The following CRACR2A variants were observed in gnomAD, a reference collection of about 807,000 sequenced individuals.
CRACR2A encodes the protein EF-hand calcium-binding domain-containing protein 4B.
Under a neutral mutation model 90.5 loss-of-function variants are expected in CRACR2A, and 79 were observed. The ratio of observed to expected loss-of-function variants is 0.87; its 90% CI spans 0.73 to 1.05. CRACR2A has a LOEUF of 1.05. Ranked by LOEUF, CRACR2A falls within the 50% of genes least tolerant of loss-of-function variation. The pLI, the probability that CRACR2A is intolerant of heterozygous loss-of-function variation, is 0.00. For synonymous variants in CRACR2A, 338 were observed against 356.7 expected (o/e 0.95, Z 0.59); for missense variants, 823 against 897.2 (o/e 0.92, Z 1.06).
chr12:3,647,342 A>G (rs1944706758), intron 11 of CRACR2A, among the ~76,000 whole-genome samples: 1 of 152,188 alleles, frequency 6.6e-6, no homozygotes, highest in Non-Finnish European at 1.5e-5. Context: ...TGGCACAGAA[A>G]GGCCTCAGGC....
At chr12:3,662,480 G>C (rs752660921) in intron 7 of CRACR2A, among the ~76,000 whole-genome samples, 3 of 152,228 alleles carry the variant, frequency 2.0e-5, no homozygotes, top group Admixed American at 2.0e-4. Flanking sequence ...GAACAAATGA[G>C]AGTGGATGTG....
intron 3 of CRACR2A, among the ~76,000 whole-genome samples, chr12:3,697,943 A>G (rs1431076939): frequency 1.3e-5 from 2 of 152,076 alleles, no homozygotes; most frequent in Non-Finnish European, 2.9e-5. Context: ...GCATACGGAA[A>G]CCTGGCTTCT....
At chr12:3,675,896 T>C (rs1194006021) in intron 6 of CRACR2A, among the ~76,000 whole-genome samples, 1 of 152,180 alleles carries the variant, frequency 6.6e-6, no homozygotes, top group South Asian at 2.1e-4. Context: ...GGATATTCAA[T>C]AGTGCCATGC....
At chr12:3,707,268 T>C (rs539396470) in intron 3 of CRACR2A, among the ~76,000 whole-genome samples, 4 of 152,336 alleles carry the variant, frequency 2.6e-5, no homozygotes, top group African/African-American at 9.6e-5. Context: ...AATTTTCTTG[T>C]TCTAGTCTCA....
intron 12 of CRACR2A, among the ~76,000 whole-genome samples, chr12:3,643,732 T>C (rs1013662385): frequency 1.4e-4 from 19 of 134,254 alleles, no homozygotes; most frequent in Non-Finnish European, 2.3e-4. Context: ...TACACACACA[T>C]ATACACATAC....
intron 7 of CRACR2A, among the ~76,000 whole-genome samples, chr12:3,667,078 C>T (rs560407882): frequency 6.6e-6 from 1 of 152,296 alleles, no homozygotes; most frequent in Admixed American, 6.5e-5. Context: ...AATTATGTCT[C>T]CCGGTTTGCA....
Position 3,707,503 on chromosome 12 carries a change from C to G in CRACR2A, c.-37+5734G>C, listed in dbSNP as rs141125677. On this transcript the variant is annotated intron_variant, in intron 3 of 19. Transcript: ENST00000440314. The stretch of plus-strand genomic sequence containing the variant: ...GAAGATAAAAGGCATTTTATAAGAA[C>G]TAAGCCCTATTATGATTAGCTTTCC... Among the ~76,000 whole-genome samples the G allele has an allele frequency of 7.6e-3, 1,160 of 152,332 alleles. 7 individuals are homozygous for G. Among genetic ancestry groups the G allele is most frequent in the Middle Eastern group, 0.014 (4 of 294 alleles).
chr12:3,695,402 G>C (rs981235275), intron 4 of CRACR2A, among the ~76,000 whole-genome samples: 1 of 152,178 alleles, frequency 6.6e-6, no homozygotes, highest in Non-Finnish European at 1.5e-5. Flanking sequence ...TGCAAAGAAG[G>C]GTAGGTTGGG....
At chr12:3,707,619 T>C (rs369206818) in intron 3 of CRACR2A, among the ~76,000 whole-genome samples, 2 of 152,212 alleles carry the variant, frequency 1.3e-5, no homozygotes, top group African/African-American at 4.8e-5. Flanking sequence ...TTTCAAGGCG[T>C]CTGGTATATA....
rs1565468090 is a variant in CRACR2A at position 3,638,359 on chromosome 12, C to T, written c.1367G>A (p.Gly456Glu). 2.6e-6 allele frequency: 4 copies of T among 1,551,602 alleles called. No individual in the cohort carries two copies. Among genetic ancestry groups the T allele is most frequent in the South Asian group, 1.2e-5 (1 of 84,058 alleles). ...YPLTEEEPGTGEPGPGGPYPR... is the reference protein window; with the variant it reads ...YPLTEEEPGTEEPGPGGPYPR... The stretch of plus-strand genomic sequence containing the variant: ...GTACGGACCCCCAGGCCCTGGCTCC[C>T]CGGTTCCTGGCTCCTCTTCTGTTAG... The change falls in exon 14 of 20, where the codon GGG becomes GAG. Residue 456 changes from glycine to glutamate, a missense_variant. By Grantham distance (98) the Gly-to-Glu change is moderately conservative. Coordinates refer to ENST00000440314, the MANE Select transcript of CRACR2A (RefSeq NM_001144958.2).
rs1478137267 is a variant in CRACR2A at position 3,643,856 on chromosome 12, T to TA, written c.1164+738_1164+739insT. Among the ~76,000 whole-genome samples the TA allele has an allele frequency of 3.3e-3, 222 of 67,304 alleles. 4 individuals carry two copies. Among genetic ancestry groups the TA allele is most frequent in the Middle Eastern group, 0.016 (2 of 124 alleles). The allele number at this position is 67,304 out of a possible 152,430, so 44.2% of individuals were successfully genotyped here. On this transcript the variant is annotated intron_variant, in intron 12 of 19. Transcript: ENST00000440314. ...AATATATATAATATATATTATATAT[T>TA]TATATTATATATATTATATATATTT...
At chr12:3,691,925 T>C (rs1456706253) in intron 4 of CRACR2A, among the ~76,000 whole-genome samples, 1 of 152,206 alleles carries the variant, frequency 6.6e-6, no homozygotes, top group Admixed American at 6.5e-5. Flanking sequence ...CCTTCCTCTG[T>C]TTGGTCTATT....
chr12:3,735,060 G>A (rs1168914818), intron 1 of CRACR2A, among the ~76,000 whole-genome samples: 1 of 143,986 alleles, frequency 6.9e-6, no homozygotes, highest in Non-Finnish European at 1.5e-5. Flanking sequence ...GGTGATGAAT[G>A]TATTAACTAA....
chr12:3,656,524 G>T, intron 8 of CRACR2A, 118 bp from the exon 9 acceptor site: 1 of 864,426 alleles, frequency 1.2e-6, no homozygotes, highest in Non-Finnish European at 1.9e-6. Context: ...AGACCATGGG[G>T]CTTTTCCCAC....
chr12:3,696,410 T>C (rs1945741199), intron 4 of CRACR2A, among the ~76,000 whole-genome samples: 1 of 152,178 alleles, frequency 6.6e-6, no homozygotes, highest in African/African-American at 2.4e-5. Flanking sequence ...ATTCCTAAGG[T>C]ACAGACAGCA....
chr12:3,663,284 A>C (rs1178033113), intron 7 of CRACR2A, among the ~76,000 whole-genome samples: 1 of 151,970 alleles, frequency 6.6e-6, no homozygotes, highest in East Asian at 1.9e-4. Context: ...AAAGAACTTC[A>C]GATTTGGAAG....
At chr12:3,681,318 T>C (rs1469671667) in intron 4 of CRACR2A, among the ~76,000 whole-genome samples, 1 of 152,172 alleles carries the variant, frequency 6.6e-6, no homozygotes, top group African/African-American at 2.4e-5. Flanking sequence ...CCCAAGAGTA[T>C]TTGTGTGTTA....
chr12:3,745,780 AAAAATAAAATAAAAT>A (rs941357128), intron 1 of CRACR2A, among the ~76,000 whole-genome samples: 3 of 106,780 alleles, frequency 2.8e-5, no homozygotes, highest in African/African-American at 1.1e-4. Flanking sequence ...CTTCGTCTCA[AAAAATAAAATAAAAT>A]AAAATAAAAT....
chr12:3,653,190 T>G (rs894703669), intron 10 of CRACR2A, among the ~76,000 whole-genome samples: 2 of 151,874 alleles, frequency 1.3e-5, no homozygotes, highest in Non-Finnish European at 2.9e-5. Flanking sequence ...ACCGTGTTGG[T>G]CAGGCTGGTC....
Sources: allele counts gnomAD v4.1 joint callset (sites outside exome capture counted in the v4.1 genomes callset), GRCh38; gene constraint gnomAD v4.1.1; transcripts MANE v1.5; gene names NCBI Gene and HGNC (gene_info 2026-07-23, HGNC 2026-07-21).